The following DOK6 variants were observed in gnomAD, a reference collection of about 807,000 sequenced individuals.
DOK6 encodes the protein downstream of tyrosine kinase 6.
In DOK6, 22 loss-of-function variants were observed where a neutral mutation model predicts 44.0. The observed-to-expected ratio is 0.50, with a 90% CI of 0.36 to 0.71. DOK6 has a LOEUF of 0.71. Ranked by LOEUF, DOK6 falls within the 30% of genes least tolerant of loss-of-function variation. The pLI, the probability that DOK6 is intolerant of heterozygous loss-of-function variation, is 0.00. For missense variants in DOK6, 340 were observed against 416.4 expected (o/e 0.82, Z 1.60); for synonymous variants, 166 against 145.5 (o/e 1.14, Z -1.01).
At chr18:69,445,018 GT>G (rs1401120422) in intron 1 of DOK6, among the ~76,000 whole-genome samples, 6 of 152,002 alleles carry the variant, frequency 3.9e-5, no homozygotes, top group Non-Finnish European at 5.9e-5. Context: ...TTTTGGCAAT[GT>G]TTTTTACTTT....
intron 7 of DOK6, among the ~76,000 whole-genome samples, chr18:69,807,126 A>G (rs1461129608): frequency 1.3e-5 from 2 of 151,864 alleles, no homozygotes; most frequent in South Asian, 2.1e-4. Flanking sequence ...AATTAGCATC[A>G]TCAGCATCAC....
At chr18:69,647,858 G>A (rs1265236119) in intron 3 of DOK6, among the ~76,000 whole-genome samples, 1 of 152,114 alleles carries the variant, frequency 6.6e-6, no homozygotes, top group Non-Finnish European at 1.5e-5. Flanking sequence ...TGGATGAGAA[G>A]CAGAGAAATG....
intron 7 of DOK6, among the ~76,000 whole-genome samples, chr18:69,816,268 T>C (rs979673258): frequency 6.6e-6 from 1 of 152,206 alleles, no homozygotes; most frequent in African/African-American, 2.4e-5. Flanking sequence ...TCTCCTGATC[T>C]ACTGGACATT....
At chr18:69,739,147 T>C in intron 6 of DOK6, 44 bp downstream of exon 6, 1 of 1,608,156 alleles carries the variant, frequency 6.2e-7, no homozygotes, top group Non-Finnish European at 8.5e-7. Context: ...GAAATGAATG[T>C]CACTGGGATC....
intron 7 of DOK6, among the ~76,000 whole-genome samples, chr18:69,832,170 TA>T (rs1435264937): frequency 6.6e-6 from 1 of 152,186 alleles, no homozygotes; most frequent in Non-Finnish European, 1.5e-5. Flanking sequence ...TGTGGGTTTG[TA>T]AAAAATAGCC....
intron 1 of DOK6, among the ~76,000 whole-genome samples, chr18:69,486,921 C>T (rs1394008966): frequency 1.3e-5 from 2 of 152,074 alleles, no homozygotes; most frequent in African/African-American, 4.8e-5. Flanking sequence ...TCCTGTTTGA[C>T]ATTTTATATT....
chr18:69,653,672 A>G (rs1417013428), intron 3 of DOK6, among the ~76,000 whole-genome samples: 2 of 152,214 alleles, frequency 1.3e-5, no homozygotes, highest in African/African-American at 4.8e-5. Flanking sequence ...TGAAACTTAG[A>G]TTTGAATGAG....
At chr18:69,575,035 T>C (rs35547896) in intron 2 of DOK6, among the ~76,000 whole-genome samples, 56,255 of 152,032 alleles carry the variant, frequency 0.37, 11,852 homozygotes, top group South Asian at 0.46. Flanking sequence ...CAGGCCATGG[T>C]GAAAAGCCTA....
At chr18:69,402,755 C>T (rs1042967148) in intron 1 of DOK6, among the ~76,000 whole-genome samples, 1 of 152,186 alleles carries the variant, frequency 6.6e-6, no homozygotes, top group Non-Finnish European at 1.5e-5. Flanking sequence ...AGCCAACGTG[C>T]GCTGCCGTGA....
At chr18:69,666,291 T>C (rs1985654995) in intron 3 of DOK6, among the ~76,000 whole-genome samples, 1 of 152,124 alleles carries the variant, frequency 6.6e-6, no homozygotes, top group African/African-American at 2.4e-5. Flanking sequence ...ACAGGTGACG[T>C]TTTAACCAAA....
At chr18:69,760,505 T>C (rs1000813743) in intron 7 of DOK6, among the ~76,000 whole-genome samples, 1 of 151,620 alleles carries the variant, frequency 6.6e-6, no homozygotes, top group Non-Finnish European at 1.5e-5. Flanking sequence ...AGCAGGCGCC[T>C]TGAGAAACCA....
intron 6 of DOK6, among the ~76,000 whole-genome samples, chr18:69,751,117 G>C (rs1029207350): frequency 2.2e-4 from 33 of 152,184 alleles, no homozygotes; most frequent in African/African-American, 7.7e-4. Flanking sequence ...GGGGGCAACA[G>C]GGAGATGACG....
At chr18:69,586,692 G>A (rs768160279) in intron 2 of DOK6, among the ~76,000 whole-genome samples, 12 of 152,110 alleles carry the variant, frequency 7.9e-5, no homozygotes, top group Admixed American at 3.9e-4. Context: ...TGCTTGCTGC[G>A]GCCCCCATCA....
intron 7 of DOK6, among the ~76,000 whole-genome samples, chr18:69,800,078 T>G (rs1415336923): frequency 9.7e-6 from 1 of 102,584 alleles, no homozygotes; most frequent in Admixed American, 1.3e-4. Context: ...TTTCTTTATT[T>G]CTCTACGTTC....
chr18:69,473,801 G>C (rs771697356), intron 1 of DOK6, among the ~76,000 whole-genome samples: 1 of 152,200 alleles, frequency 6.6e-6, no homozygotes, highest in Non-Finnish European at 1.5e-5. Context: ...GTCTTGCTAT[G>C]GAATCCACTG....
rs1599113227 is a variant in DOK6, at chr18:69,401,092, T to C, written c.-153T>C. 3.2e-6 allele frequency: 2 copies of C among 623,302 alleles called. No homozygotes were observed. The highest frequency in any genetic ancestry group is 2.0e-5 in the African/African-American group (1 of 50,662). The allele number at this position is 623,302 out of a possible 1,614,324, so 38.6% of individuals were successfully genotyped here. The stretch of plus-strand genomic sequence containing the variant: ...CGGCGGCCCTGCAGGCGACCCCGCG[T>C]CCCCACCGGCGGGAGCTCGGGGAAG... On this transcript the variant is annotated 5_prime_UTR_variant, in exon 1 of 8. Transcript: ENST00000382713.
At chr18:69,698,347 C>T in intron 4 of DOK6, 57 bp from the exon 5 acceptor site, 2 of 1,480,558 alleles carry the variant, frequency 1.4e-6, no homozygotes, top group South Asian at 1.3e-5. Context: ...TATCGTATGG[C>T]CATAGACACT....
intron 1 of DOK6, chr18:69,469,594 G>C (rs1208740128): frequency 1.0e-5 from 2 of 194,704 alleles, no homozygotes; most frequent in Non-Finnish European, 2.2e-5. Flanking sequence ...AAACATCATG[G>C]TTCCCTGCGT....
At chr18:69,774,133 G>GATATATATATATATATAGATATAT in intron 7 of DOK6, among the ~76,000 whole-genome samples, 1 of 66,866 alleles carries the variant, frequency 1.5e-5, no homozygotes, top group Non-Finnish European at 3.3e-5. Context: ...ATATATATGA[G>GATATATATATATATATAGATATAT]ATATATATAT....
Sources: gnomAD v4.1 joint callset for allele counts (sites outside exome capture counted in the v4.1 genomes callset) on GRCh38, gnomAD v4.1.1 for gene constraint, MANE v1.5 for transcripts, NCBI Gene and HGNC (gene_info 2026-07-23, HGNC 2026-07-21) for gene names.